Variants in GRID1 observed in about 807,000 individuals in gnomAD.
GRID1 encodes glutamate receptor ionotropic, delta-1.
A neutral mutation model predicts 98.0 loss-of-function variants in GRID1; 28 were observed. That is an observed-to-expected ratio of 0.29 (90% CI 0.21 to 0.39). GRID1 has a LOEUF of 0.39. GRID1 is among the 10% of genes least tolerant of loss of function. The pLI is 1.00. For synonymous variants in GRID1, 553 were observed against 538.5 expected (o/e 1.03, Z -0.37); for missense variants, 1,111 against 1,340.5 (o/e 0.83, Z 2.67).
At chr10:85,989,710 G>A (rs931671870) in intron 4 of GRID1, among the ~76,000 whole-genome samples, 2 of 152,194 alleles carry the variant, frequency 1.3e-5, no homozygotes, top group East Asian at 1.9e-4. Context: ...TGTCTTCCAC[G>A]AAATCTGTCC....
intron 4 of GRID1, among the ~76,000 whole-genome samples, chr10:85,986,266 T>C (rs1023585903): frequency 1.3e-5 from 2 of 152,240 alleles, no homozygotes; most frequent in Non-Finnish European, 2.9e-5. Flanking sequence ...AATGAAGTTG[T>C]CTCAGACCGC....
intron 8 of GRID1, among the ~76,000 whole-genome samples, chr10:85,822,080 A>C (rs1842777985): frequency 6.6e-6 from 1 of 152,198 alleles, no homozygotes; most frequent in Non-Finnish European, 1.5e-5. Flanking sequence ...AAACCATAAA[A>C]ACCCTAGAAG....
At chr10:85,627,658 C>A (rs1025245391) in intron 13 of GRID1, among the ~76,000 whole-genome samples, 10 of 152,184 alleles carry the variant, frequency 6.6e-5, no homozygotes, top group African/African-American at 2.4e-4. Context: ...GGCCTCCTTC[C>A]TTCTGCACAG....
At chr10:86,109,357 C>T (rs1202691604) in intron 4 of GRID1, among the ~76,000 whole-genome samples, 1 of 152,230 alleles carries the variant, frequency 6.6e-6, no homozygotes, top group Non-Finnish European at 1.5e-5. Context: ...GTGAACAAGG[C>T]TTACAAAACT....
In GRID1 at chr10:86,350,356, A is replaced by G. The variant is rs79216967; in HGVS notation, c.235+13585T>C. On this transcript the variant is annotated intron_variant, in intron 2 of 15. Coordinates refer to ENST00000327946, the MANE Select transcript of GRID1 (RefSeq NM_017551.3). The stretch of plus-strand genomic sequence containing the variant: ...GATAACTCTGGCTGCTACATGGACA[A>G]TGGCCTGGAGGGAAGGGCAGAGGCA... 2.8e-4 allele frequency among the ~76,000 whole-genome samples: 43 copies of G among 152,236 alleles called. No individual in the cohort carries two copies. The East Asian group carries it at 6.2e-3, about 22-fold the overall frequency.
intron 14 of GRID1, among the ~76,000 whole-genome samples, chr10:85,617,784 A>G (rs1564678731): frequency 6.6e-6 from 1 of 152,210 alleles, no homozygotes; most frequent in Non-Finnish European, 1.5e-5. Context: ...TATGGTGACT[A>G]TTGGAGTCAG....
chr10:85,722,664 A>G (rs1220910645), intron 12 of GRID1, among the ~76,000 whole-genome samples: 1 of 152,218 alleles, frequency 6.6e-6, no homozygotes, highest in African/African-American at 2.4e-5. Context: ...TCTGGTTTAA[A>G]TTAATTTTAA....
intron 12 of GRID1, among the ~76,000 whole-genome samples, chr10:85,697,817 T>G (rs1164025960): frequency 1.3e-5 from 2 of 152,196 alleles, no homozygotes; most frequent in Non-Finnish European, 2.9e-5. Context: ...TTTCCAAAAA[T>G]TAATGTGGAT....
At chr10:86,299,121 T>A (rs1265678305) in intron 2 of GRID1, among the ~76,000 whole-genome samples, 1 of 151,622 alleles carries the variant, frequency 6.6e-6, no homozygotes. Flanking sequence ...TAACGTCACA[T>A]ACAACCAATC....
chr10:85,885,240 G>A (rs1841095172), intron 5 of GRID1, among the ~76,000 whole-genome samples: 1 of 152,246 alleles, frequency 6.6e-6, no homozygotes, highest in African/African-American at 2.4e-5. Context: ...CTCCCAAAAG[G>A]TACATGCTTA....
intron 8 of GRID1, among the ~76,000 whole-genome samples, chr10:85,794,211 G>A (rs1217919503): frequency 2.0e-5 from 3 of 152,096 alleles, no homozygotes; most frequent in Non-Finnish European, 1.5e-5. Context: ...CCTCTACCCA[G>A]CCTGCCATAA....
chr10:86,120,680 T>C (rs992560200), intron 4 of GRID1, among the ~76,000 whole-genome samples: 1 of 152,222 alleles, frequency 6.6e-6, no homozygotes, highest in Admixed American at 6.5e-5. Flanking sequence ...GGCAATGTAA[T>C]GGATTACTAG....
chr10:86,355,322 C>T (rs1848519694), intron 2 of GRID1, among the ~76,000 whole-genome samples: 1 of 152,238 alleles, frequency 6.6e-6, no homozygotes, highest in African/African-American at 2.4e-5. Flanking sequence ...TGGGGAAGGG[C>T]CAGGCTGAGC....
At chr10:86,038,419 G>C (rs1317628861) in intron 4 of GRID1, among the ~76,000 whole-genome samples, 1 of 152,212 alleles carries the variant, frequency 6.6e-6, no homozygotes, top group African/African-American at 2.4e-5. Flanking sequence ...TTTTCTTGGA[G>C]GTACAGCTCT....
At chr10:86,146,914 G>T (rs1189507992) in intron 3 of GRID1, among the ~76,000 whole-genome samples, 1 of 152,340 alleles carries the variant, frequency 6.6e-6, no homozygotes, top group East Asian at 1.9e-4. Flanking sequence ...GCGACTCTCT[G>T]TGGAAGTCAG....
chr10:86,342,954 A>G (rs1462215405), intron 2 of GRID1, among the ~76,000 whole-genome samples: 1 of 152,244 alleles, frequency 6.6e-6, no homozygotes, highest in Non-Finnish European at 1.5e-5. Flanking sequence ...GCCAGTCCAC[A>G]GTAGGCACTC....
chr10:85,970,472 C>T (rs955633729), intron 4 of GRID1, among the ~76,000 whole-genome samples: 5 of 151,930 alleles, frequency 3.3e-5, no homozygotes, highest in Admixed American at 1.3e-4. Context: ...TATACATGAC[C>T]GTCAAGTGAG....
chr10:85,945,513 G>A (rs1006582433), intron 4 of GRID1, among the ~76,000 whole-genome samples: 1 of 152,042 alleles, frequency 6.6e-6, no homozygotes, highest in South Asian at 2.1e-4. Context: ...AGTTCTTTGG[G>A]GTATTGCTTC....
chr10:86,258,116 G>A (rs530359810), intron 2 of GRID1, among the ~76,000 whole-genome samples: 3 of 152,190 alleles, frequency 2.0e-5, no homozygotes, highest in Admixed American at 6.5e-5. Flanking sequence ...TCAAAGTGCA[G>A]TAAATAGGTA....
Sources: gnomAD v4.1 joint callset for allele counts (sites outside exome capture counted in the v4.1 genomes callset) on GRCh38, gnomAD v4.1.1 for gene constraint, MANE v1.5 for transcripts, NCBI Gene and HGNC (gene_info 2026-07-23, HGNC 2026-07-21) for gene names.